The following NAALADL2 variants were observed in gnomAD, a reference collection of about 807,000 sequenced individuals.
NAALADL2 encodes inactive N-acetylated-alpha-linked acidic dipeptidase-like protein 2.
NAALADL2 carries 76 observed loss-of-function variants against 87.2 expected under a neutral mutation model. The ratio of observed to expected loss-of-function variants is 0.87; its 90% CI spans 0.72 to 1.05. The LOEUF (loss-of-function observed/expected upper bound fraction) is 1.05. NAALADL2 is among the 50% of genes least tolerant of loss of function. NAALADL2 has a pLI of 0.00. For synonymous variants in NAALADL2, 354 were observed against 331.0 expected (o/e 1.07, Z -0.75); for missense variants, 1,089 against 945.8 (o/e 1.15, Z -1.99).
chr3:175,174,322 A>G (rs1442483267), intron 2 of NAALADL2, among the ~76,000 whole-genome samples: 2 of 152,126 alleles, frequency 1.3e-5, no homozygotes, highest in African/African-American at 4.8e-5. Context: ...TTATATGCCA[A>G]AATTGTTGTT....
chr3:174,491,508 G>A (rs1718193144), intron 1 of NAALADL2, among the ~76,000 whole-genome samples: 2 of 152,086 alleles, frequency 1.3e-5, no homozygotes, highest in Non-Finnish European at 1.5e-5. Flanking sequence ...AGTGTTTGAT[G>A]TCAGCTTACT....
chr3:175,563,331 A>T (rs1212346745), intron 9 of NAALADL2, among the ~76,000 whole-genome samples: 1 of 152,192 alleles, frequency 6.6e-6, no homozygotes, highest in Non-Finnish European at 1.5e-5. Context: ...ACACTTACTG[A>T]CTTCCTACAG....
At chr3:174,904,734 A>C (rs1732770152) in intron 1 of NAALADL2, among the ~76,000 whole-genome samples, 1 of 151,854 alleles carries the variant, frequency 6.6e-6, no homozygotes, top group Non-Finnish European at 1.5e-5. Context: ...AGCTACCATT[A>C]ATTTTATTTT....
At chr3:174,524,833 C>T (rs546540385) in intron 1 of NAALADL2, among the ~76,000 whole-genome samples, 39 of 152,246 alleles carry the variant, frequency 2.6e-4, no homozygotes, top group African/African-American at 8.7e-4. Flanking sequence ...AGCCACCATG[C>T]GCGGCCTATA....
intron 1 of NAALADL2, among the ~76,000 whole-genome samples, chr3:174,537,262 T>A (rs1229137682): frequency 2.0e-5 from 3 of 152,186 alleles, no homozygotes; most frequent in Admixed American, 6.5e-5. Context: ...CAATTGTTTT[T>A]TATTATGGAT....
intron 1 of NAALADL2, among the ~76,000 whole-genome samples, chr3:174,957,697 G>T (rs780786609): frequency 6.6e-6 from 1 of 151,772 alleles, no homozygotes; most frequent in Non-Finnish European, 1.5e-5. Flanking sequence ...GCTTGGAATA[G>T]AATCTTTAAA....
chr3:175,426,361 TCAAAA>T, intron 5 of NAALADL2, among the ~76,000 whole-genome samples: 1 of 152,300 alleles, frequency 6.6e-6, no homozygotes, highest in East Asian at 1.9e-4. Flanking sequence ...AGACTCTATC[TCAAAA>T]CAAAACAAAG....
intron 11 of NAALADL2, among the ~76,000 whole-genome samples, chr3:175,693,698 G>A (rs1250805341): frequency 6.6e-6 from 1 of 152,000 alleles, no homozygotes; most frequent in African/African-American, 2.4e-5. Flanking sequence ...TTGTTTGTTG[G>A]GTTGGTTGGT....
At chr3:174,477,141 T>A (rs1029463808) in intron 1 of NAALADL2, among the ~76,000 whole-genome samples, 1 of 151,962 alleles carries the variant, frequency 6.6e-6, no homozygotes, top group Non-Finnish European at 1.5e-5. Context: ...AGAAAAATCA[T>A]CTATACACAT....
rs1159159237 is a variant in NAALADL2, at chr3:174,629,059, A to G, written c.-115+78422A>G. ...TAAATAAAAAATTCTATTAAATGAA[A>G]CCCTCAAAAGTCAGCCTTCTATAGT... On this transcript the variant is annotated intron_variant, in intron 2 of 3. Transcript: ENST00000434257. 2.0e-5 allele frequency among the ~76,000 whole-genome samples: 3 copies of G among 152,168 alleles called. No individual in the cohort carries two copies. In the East Asian group the frequency reaches 5.8e-4, roughly 29 times the overall value.
intron 3 of NAALADL2, among the ~76,000 whole-genome samples, chr3:174,787,424 A>T (rs1716798456): frequency 6.6e-6 from 1 of 150,844 alleles, no homozygotes; most frequent in Non-Finnish European, 1.5e-5. Context: ...TGCTTTTAAG[A>T]GTTGAAACTA....
intron 9 of NAALADL2, among the ~76,000 whole-genome samples, chr3:175,549,070 T>C (rs1337427218): frequency 6.6e-6 from 1 of 152,068 alleles, no homozygotes; most frequent in Non-Finnish European, 1.5e-5. Context: ...TCATTAAATT[T>C]TTTAAATTTT....
chr3:174,685,097 C>G (rs914262883), intron 2 of NAALADL2, among the ~76,000 whole-genome samples: 2 of 152,026 alleles, frequency 1.3e-5, no homozygotes, highest in African/African-American at 4.8e-5. Context: ...AACTGCTATT[C>G]CCTGAATGGT....
chr3:174,603,286 A>G (rs1186868943), intron 2 of NAALADL2, among the ~76,000 whole-genome samples: 1 of 151,846 alleles, frequency 6.6e-6, no homozygotes, highest in Non-Finnish European at 1.5e-5. Flanking sequence ...TGATCTTATT[A>G]CTTGTTGTTG....
intron 3 of NAALADL2, among the ~76,000 whole-genome samples, chr3:174,746,294 G>C (rs950171008): frequency 2.6e-5 from 4 of 151,848 alleles, no homozygotes; most frequent in Non-Finnish European, 5.9e-5. Flanking sequence ...CAATGAACAA[G>C]CAAAGAGCCA....
chr3:174,656,999 C>CT lies in NAALADL2; in HGVS notation c.-114-80636dup, dbSNP rs1375784151. Among the ~76,000 whole-genome samples the CT allele has an allele frequency of 6.6e-5, 10 of 150,758 alleles. No homozygotes were observed. The East Asian group carries it at 1.9e-3, about 29-fold the overall frequency. On this transcript the variant is annotated intron_variant, in intron 2 of 3. Coordinates refer to the NAALADL2 transcript ENST00000434257. Reference sequence around the variant, plus strand: ...GCTTCCCTTCTCCCTCCCTTCCTTCCTTTTTTCCTTCCTCTCTCTCTCTCT... The same window carrying CT: ...GCTTCCCTTCTCCCTCCCTTCCTTCCTTTTTTTCCTTCCTCTCTCTCTCTCT...
At chr3:175,045,358 T>C (rs916498366) in intron 1 of NAALADL2, among the ~76,000 whole-genome samples, 2 of 152,196 alleles carry the variant, frequency 1.3e-5, no homozygotes, top group Non-Finnish European at 2.9e-5. Context: ...ATTTCTGTTT[T>C]ATCTCTGGGA....
chr3:174,445,071 CA>C (rs1193450879), intron 1 of NAALADL2, among the ~76,000 whole-genome samples: 1 of 149,122 alleles, frequency 6.7e-6, no homozygotes, highest in Non-Finnish European at 1.5e-5. Flanking sequence ...TACTATAAAA[CA>C]GGGTTCTGCG....
chr3:175,626,152 C>T (rs959789793), intron 10 of NAALADL2, among the ~76,000 whole-genome samples: 10 of 151,940 alleles, frequency 6.6e-5, no homozygotes, highest in African/African-American at 2.4e-4. Flanking sequence ...ATATTTACAT[C>T]CCACCCTCAT....
Sources: gnomAD v4.1 joint callset for allele counts (sites outside exome capture counted in the v4.1 genomes callset) on GRCh38, gnomAD v4.1.1 for gene constraint, MANE v1.5 for transcripts, NCBI Gene and HGNC (gene_info 2026-07-23, HGNC 2026-07-21) for gene names.